The following CTDSPL variants were observed in gnomAD, a reference collection of about 807,000 sequenced individuals.
CTDSPL encodes CTD small phosphatase like.
CTDSPL carries 8 observed loss-of-function variants against 30.5 expected under a neutral mutation model. That is an observed-to-expected ratio of 0.26 (90% CI 0.15 to 0.47). CTDSPL has a LOEUF of 0.47. Ranked by LOEUF, CTDSPL falls within the 20% of genes least tolerant of loss-of-function variation. The probability of loss-of-function intolerance (pLI) is 0.99; values close to 1 mark genes in which losing one functional copy is unlikely to be tolerated. For missense variants in CTDSPL, 248 were observed against 366.1 expected (o/e 0.68, Z 2.63); for synonymous variants, 110 against 137.9 (o/e 0.80, Z 1.42).
At chr3:37,964,032 TAAAAAAAAAAAAAAAAAAAA>T (rs58061973) in intron 3 of CTDSPL, among the ~76,000 whole-genome samples, 24 of 22,990 alleles carry the variant, frequency 1.0e-3, no homozygotes, top group East Asian at 2.2e-3. Flanking sequence ...TCTCAGTCAC[TAAAAAAAAAAAAAAAAAAAA>T]AAAAAAAAAA....
intron 1 of CTDSPL, among the ~76,000 whole-genome samples, chr3:37,900,538 T>C (rs1698437240): frequency 1.3e-5 from 2 of 152,194 alleles, no homozygotes; most frequent in South Asian, 2.1e-4. Flanking sequence ...TAAGGACTTA[T>C]GGTTATTAAA....
chr3:37,862,126 C>A lies in CTDSPL; in HGVS notation c.-74C>A, dbSNP rs1441830858. ...CGCCCCCCCGCGCCGCGCCCCCGCG[C>A]CCCCCGCGCCGCGCCCCCGCGCGCT... On this transcript the variant is annotated 5_prime_UTR_variant, in exon 1 of 8. Coordinates refer to ENST00000273179, the MANE Select transcript of CTDSPL (RefSeq NM_001008392.2). This position sits in a 1 kb window ranked among gnomAD's most constrained non-coding sequence, Gnocchi z 4.3. 3.0e-5 allele frequency: 21 copies of A among 690,504 alleles called. No individual in the cohort carries two copies. The highest frequency in any genetic ancestry group is 3.5e-5 in the Non-Finnish European group (20 of 565,952). The allele number at this position is 690,504 out of a possible 1,614,324, so 42.8% of individuals were successfully genotyped here.
At chr3:37,926,779 G>C (rs960304879) in intron 1 of CTDSPL, among the ~76,000 whole-genome samples, 1 of 152,200 alleles carries the variant, frequency 6.6e-6, no homozygotes, top group Non-Finnish European at 1.5e-5. Flanking sequence ...GAGGCTTGCA[G>C]TGTTCAGTGT....
chr3:37,881,439 G>T (rs1460166467), intron 1 of CTDSPL, among the ~76,000 whole-genome samples: 1 of 152,200 alleles, frequency 6.6e-6, no homozygotes, highest in Non-Finnish European at 1.5e-5. Context: ...TGAGGCAGGA[G>T]AATCGCTTAA....
chr3:37,921,960 G>A (rs962441183), intron 1 of CTDSPL, among the ~76,000 whole-genome samples: 21 of 152,180 alleles, frequency 1.4e-4, no homozygotes, highest in African/African-American at 4.6e-4. Flanking sequence ...AGGGCCAGGC[G>A]CGGTGGCTCA....
At chr3:37,888,981 T>C (rs867631577) in intron 1 of CTDSPL, among the ~76,000 whole-genome samples, 1 of 152,236 alleles carries the variant, frequency 6.6e-6, no homozygotes, top group Admixed American at 6.5e-5. Flanking sequence ...CAGGTAAGCC[T>C]TGTTGGATTG....
Position 37,984,287 on chromosome 3 carries a change from G to A in CTDSPL, c.*3420G>A. ...ACTGACACACCCTCCCCCACCCCGG[G>A]TAGTGGAGATGCTGGTGTCTGGGTA... is the stretch of plus-strand genomic sequence containing the variant. On this transcript the variant is annotated 3_prime_UTR_variant, in exon 8 of 8. Coordinates refer to ENST00000273179, the MANE Select transcript of CTDSPL (RefSeq NM_001008392.2). 2.2e-6 allele frequency: 1 copy of A among 456,866 alleles called. No homozygotes were observed. Among genetic ancestry groups the A allele is most frequent in the South Asian group, 1.5e-5 (1 of 64,562 alleles). The allele number at this position is 456,866 out of a possible 1,614,324, so 28.3% of individuals were successfully genotyped here.
At chr3:37,962,325 A>T (rs1699253192) in intron 3 of CTDSPL, among the ~76,000 whole-genome samples, 1 of 152,228 alleles carries the variant, frequency 6.6e-6, no homozygotes, top group Admixed American at 6.5e-5. Flanking sequence ...AGCTGTGTGC[A>T]TTTAGGAAAC....
At position 37,961,400 on chromosome 3, in the gene CTDSPL, C is replaced by T. The variant is rs769317000; in HGVS notation, c.268-3171C>T. 3.3e-5 allele frequency among the ~76,000 whole-genome samples: 5 copies of T among 152,200 alleles called. No individual in the cohort carries two copies. In the East Asian group the frequency reaches 5.8e-4, roughly 18 times the overall value. ...GTGGTCATGAATTGAGGTGAGCACTCGAATGCCTTGGCCCCAGTGAGGAAC... is the reference window on the plus strand; with the variant it reads ...GTGGTCATGAATTGAGGTGAGCACTTGAATGCCTTGGCCCCAGTGAGGAAC... On this transcript the variant is annotated intron_variant, in intron 3 of 7. Transcript: ENST00000273179.
intron 1 of CTDSPL, among the ~76,000 whole-genome samples, chr3:37,914,076 A>T (rs1416616090): frequency 6.6e-6 from 1 of 152,242 alleles, no homozygotes. Context: ...AACATAGTAT[A>T]TCCCTCCATT....
chr3:37,920,081 TA>T (rs76103906), intron 1 of CTDSPL, among the ~76,000 whole-genome samples: 45 of 147,742 alleles, frequency 3.0e-4, no homozygotes, highest in Admixed American at 5.4e-4. Flanking sequence ...AGGGTGGAAA[TA>T]AAAAAAAAAC....
At chr3:37,951,899 T>C (rs1052955099) in intron 2 of CTDSPL, among the ~76,000 whole-genome samples, 1 of 152,242 alleles carries the variant, frequency 6.6e-6, no homozygotes, top group Non-Finnish European at 1.5e-5. Context: ...AAAACCTAGT[T>C]TGATGAACTA....
At chr3:37,905,341 T>A (rs1698501502) in intron 1 of CTDSPL, among the ~76,000 whole-genome samples, 1 of 152,194 alleles carries the variant, frequency 6.6e-6, no homozygotes, top group African/African-American at 2.4e-5. Flanking sequence ...TCTTTGATTT[T>A]GAATTTGTCT....
intron 1 of CTDSPL, among the ~76,000 whole-genome samples, chr3:37,910,001 C>A (rs531796908): frequency 6.6e-6 from 1 of 152,336 alleles, no homozygotes; most frequent in Non-Finnish European, 1.5e-5. Flanking sequence ...CCAGCTCCAT[C>A]ATTTTTAGCG....
intron 1 of CTDSPL, among the ~76,000 whole-genome samples, chr3:37,898,249 C>T (rs1335378710): frequency 6.6e-6 from 1 of 152,110 alleles, no homozygotes; most frequent in Non-Finnish European, 1.5e-5. Flanking sequence ...ACCCCTAGGC[C>T]CAGGCCCCAG....
chr3:37,890,377 G>T (rs971425531), intron 1 of CTDSPL, among the ~76,000 whole-genome samples: 2 of 152,112 alleles, frequency 1.3e-5, no homozygotes, highest in Admixed American at 6.6e-5. Context: ...GGAAAATGTG[G>T]TGGTGCAAAA....
intron 1 of CTDSPL, among the ~76,000 whole-genome samples, chr3:37,915,241 C>G (rs1698632692): frequency 6.6e-6 from 1 of 151,956 alleles, no homozygotes; most frequent in Admixed American, 6.6e-5. Flanking sequence ...TTAAGATTTT[C>G]TCTTTGTCTT....
At chr3:37,971,261 A>G (rs1248845907) in intron 5 of CTDSPL, 146 bp from the exon 6 acceptor site, 3 of 651,126 alleles carry the variant, frequency 4.6e-6, no homozygotes, top group Non-Finnish European at 8.0e-6. Context: ...CCCCTCATAC[A>G]GTCTAGGCCT....
chr3:37,934,829 C>A (rs1044631033), intron 1 of CTDSPL, among the ~76,000 whole-genome samples: 1 of 152,164 alleles, frequency 6.6e-6, no homozygotes, highest in Non-Finnish European at 1.5e-5. Flanking sequence ...GTGTTTCCGT[C>A]CATATAGTCA....
Sources: allele counts gnomAD v4.1 joint callset (sites outside exome capture counted in the v4.1 genomes callset), GRCh38; gene constraint gnomAD v4.1.1; non-coding constraint Gnocchi (gnomAD v3.1); transcripts MANE v1.5; gene names NCBI Gene and HGNC (gene_info 2026-07-23, HGNC 2026-07-21).